PDPN: variants seen among roughly 807,000 people sequenced by gnomAD.
The protein encoded by PDPN is podoplanin.
In PDPN, 12 loss-of-function variants were observed where a neutral mutation model predicts 23.2. That is an observed-to-expected ratio of 0.52 (90% CI 0.33 to 0.84). PDPN has a LOEUF of 0.84. PDPN is among the 40% of genes least tolerant of loss of function. The pLI, the probability that PDPN is intolerant of heterozygous loss-of-function variation, is 0.02. For missense variants in PDPN, 199 were observed against 212.2 expected, an observed-to-expected ratio of 0.94 and a Z score of 0.39; for synonymous variants, 77 against 76.7, an observed-to-expected ratio of 1.00 and a Z score of -0.02.
At position 13,614,427 on chromosome 1, in the gene PDPN, ACACCCATG is replaced by A; in HGVS notation, c.482+17_482+24del. On this transcript the variant is annotated intron_variant, in intron 5 of 5. Coordinates refer to ENST00000621990, the MANE Select transcript of PDPN (RefSeq NM_006474.5). ...GAAGGTACTCGTAAGTAAATAGCTT[ACACCCATG>A]TGATAGGCAAATGAAAGCCATCGTG... 1 of 1,247,782 alleles carries A rather than the reference ACACCCATG, an allele frequency of 8.0e-7. No individual in the cohort carries two copies. Among genetic ancestry groups the A allele is most frequent in the Non-Finnish European group, 1.2e-6 (1 of 848,772 alleles). 77.3% of individuals were successfully genotyped at this position (1,247,782 alleles called of 1,614,324 possible). A position where few individuals can be genotyped will look rare whatever the true frequency, so the allele number is the denominator to read the frequency against.
In PDPN at chr1:13,606,031, T is replaced by A. The variant is rs547750756; in HGVS notation, c.68-1142T>A. ...GCTCTTTTTTTTTTGGAGATTGGGT[T>A]TCGGCTGGAGTGCAGTGATGCGATC... On this transcript the variant is annotated intron_variant, in intron 1 of 5. Transcript: ENST00000621990. Among the ~76,000 whole-genome samples, 4 of 151,730 alleles carry A rather than the reference T, an allele frequency of 2.6e-5. No homozygotes were observed. The East Asian group carries it at 7.8e-4, about 30-fold the overall frequency.
At chr1:13,594,007 TA>T (rs1198828838) in intron 1 of PDPN, among the ~76,000 whole-genome samples, 1 of 152,188 alleles carries the variant, frequency 6.6e-6, no homozygotes, top group Non-Finnish European at 1.5e-5. Flanking sequence ...CCATGTTGAG[TA>T]ATCTTGGTTG....
At chr1:13,613,458 A>G (rs1197727522) in intron 3 of PDPN, among the ~76,000 whole-genome samples, 1 of 151,956 alleles carries the variant, frequency 6.6e-6, no homozygotes, top group Non-Finnish European at 1.5e-5. Flanking sequence ...GAAAAGTGCT[A>G]TGAACCCATT....
At position 13,584,369 on chromosome 1, in the gene PDPN, A is replaced by G. The variant is rs543104939; in HGVS notation, c.67+269A>G. 6.4e-6 allele frequency: 9 copies of G among 1,410,816 alleles called. No individual in the cohort carries two copies. In the Admixed American group the frequency reaches 2.3e-4, roughly 37 times the overall value. The allele number at this position is 1,410,816 out of a possible 1,614,324, so 87.4% of individuals were successfully genotyped here. A position where few individuals can be genotyped will look rare whatever the true frequency, so the allele number is the denominator to read the frequency against. ...GGGCAGCACAGGGGGCCTCCCTCCG[A>G]GTCGGCAGCACCAGAGAGATCGGGT... On this transcript the variant is annotated intron_variant, in intron 1 of 5. Transcript: ENST00000621990.
intron 1 of PDPN, among the ~76,000 whole-genome samples, chr1:13,602,909 TG>T (rs1640683764): frequency 6.6e-6 from 1 of 152,072 alleles, no homozygotes; most frequent in Non-Finnish European, 1.5e-5. Context: ...CTGGGCACAG[TG>T]GCTCATGCCT....
Position 13,609,681 on chromosome 1 carries a change from G to A in PDPN, c.202-706G>A, listed in dbSNP as rs139690650. ...CACCTCATGTAAGTGGAATCATATA[G>A]TACTTGTCTTTTGTGACTGGTTTAT... is the stretch of plus-strand genomic sequence containing the variant. On this transcript the variant is annotated intron_variant, in intron 2 of 5. Coordinates refer to ENST00000621990, the MANE Select transcript of PDPN (RefSeq NM_006474.5). Among the ~76,000 whole-genome samples the A allele has an allele frequency of 4.0e-3, 602 of 152,250 alleles. 3 individuals carry two copies. Among genetic ancestry groups the A allele is most frequent in the African/African-American group, 0.014 (565 of 41,542 alleles).
chr1:13,603,017 AATATAT>A (rs34360951), intron 1 of PDPN, among the ~76,000 whole-genome samples: 2 of 149,172 alleles, frequency 1.3e-5, no homozygotes, highest in African/African-American at 4.9e-5. Flanking sequence ...TGTCTCTACA[AATATAT>A]ATATATATAT....
chr1:13,584,352 C>G (rs1640119620), intron 1 of PDPN: 3 of 1,450,694 alleles, frequency 2.1e-6, no homozygotes, highest in Middle Eastern at 2.5e-4. Flanking sequence ...GTGGGCAGCA[C>G]AGGGGGCCTC....
intron 4 of PDPN, 107 bp downstream of exon 4, chr1:13,613,832 A>G (rs1640996657): frequency 1.8e-6 from 1 of 565,334 alleles, no homozygotes; most frequent in Non-Finnish European, 3.3e-6. Context: ...GCAGTCAATG[A>G]GAGCAGAATA....
chr1:13,589,393 C>A (rs116701804), intron 1 of PDPN, among the ~76,000 whole-genome samples: 4 of 152,156 alleles, frequency 2.6e-5, no homozygotes. Flanking sequence ...TGAGCCAAAT[C>A]TCCCCATAAG....
At chr1:13,610,883 T>A (rs758830438) in intron 3 of PDPN, among the ~76,000 whole-genome samples, 17 of 152,222 alleles carry the variant, frequency 1.1e-4, no homozygotes, top group Non-Finnish European at 2.4e-4. Flanking sequence ...TCTATATGAA[T>A]ACTTAGCACG....
rs146966218 is a variant in PDPN at position 13,607,243 on chromosome 1, C to T, written c.138C>T (p.Ala46=). 15 of 1,614,044 alleles carry T rather than the reference C, an allele frequency of 9.3e-6. No individual in the cohort carries two copies. The East Asian group carries it at 1.1e-4, about 12-fold the overall frequency. ...GLEGGVAMPG[A]EDDVVTPGTS... is the part of the protein sequence containing the mutation. The stretch of plus-strand genomic sequence containing the variant: ...AAGGCGGCGTTGCCATGCCAGGTGC[C>T]GAAGATGATGTGGTGACTCCAGGAA... The change falls in exon 2 of 6, where the codon GCC becomes GCT. Residue 46 remains alanine, a synonymous_variant. Transcript: ENST00000621990.
intron 1 of PDPN, among the ~76,000 whole-genome samples, chr1:13,603,996 T>G (rs1570041988): frequency 6.6e-6 from 1 of 152,118 alleles, no homozygotes; most frequent in South Asian, 2.1e-4. Context: ...TGAGGCTGGG[T>G]GTGGCAGGAA....
At chr1:13,609,993 G>A (rs1447868708) in intron 2 of PDPN, among the ~76,000 whole-genome samples, 7 of 152,170 alleles carry the variant, frequency 4.6e-5, no homozygotes, top group Non-Finnish European at 1.0e-4. Flanking sequence ...GAACCTGGAA[G>A]GCAAAGCTTG....
At chr1:13,584,670 G>T (rs1640126925) in intron 1 of PDPN, among the ~76,000 whole-genome samples, 1 of 152,234 alleles carries the variant, frequency 6.6e-6, no homozygotes, top group South Asian at 2.1e-4. Context: ...TCTTTAGAGA[G>T]GATAGTGTGT....
intron 1 of PDPN, chr1:13,585,432 A>G: frequency 2.4e-6 from 3 of 1,229,756 alleles, no homozygotes; most frequent in South Asian, 2.7e-5. Context: ...ACTGGAATAT[A>G]TACAGTTCTG....
intron 1 of PDPN, 158 bp downstream of exon 1, chr1:13,584,258 G>A: frequency 6.6e-7 from 1 of 1,526,512 alleles, no homozygotes; most frequent in South Asian, 1.2e-5. Context: ...GAGGAGGAGA[G>A]GCAGCGGCTT....
At chr1:13,600,940 C>T (rs1430418439) in intron 1 of PDPN, among the ~76,000 whole-genome samples, 2 of 152,078 alleles carry the variant, frequency 1.3e-5, no homozygotes, top group African/African-American at 4.8e-5. Context: ...AGGGCCTAGC[C>T]ACCACAGCGC....
chr1:13,613,554 A>G (rs1640988860), intron 3 of PDPN, 133 bp from the exon 4 acceptor site: 3 of 642,792 alleles, frequency 4.7e-6, no homozygotes, highest in African/African-American at 2.0e-5. Flanking sequence ...CCTGGATCCA[A>G]TTTATTTAAG....
Sources: gnomAD v4.1 joint callset for allele counts (sites outside exome capture counted in the v4.1 genomes callset) on GRCh38, gnomAD v4.1.1 for gene constraint, MANE v1.5 for transcripts, NCBI Gene and HGNC (gene_info 2026-07-23, HGNC 2026-07-21) for gene names.